Variants in LHFPL3 observed in about 807,000 individuals in gnomAD.
The protein encoded by LHFPL3 is LHFPL tetraspan subfamily member 3.
Under a neutral mutation model 19.3 loss-of-function variants are expected in LHFPL3, and 5 were observed. That is an observed-to-expected ratio of 0.26 (90% CI 0.14 to 0.54). The LOEUF is 0.54. Among genes scored for constraint, LHFPL3 ranks in the 20% least tolerant of loss-of-function variants. The pLI is 0.94. For missense variants in LHFPL3, 249 were observed against 307.4 expected (o/e 0.81, Z 1.42); for synonymous variants, 133 against 126.2 (o/e 1.05, Z -0.36).
At chr7:104,343,512 C>CAAAAAAAAAAAAAAAAAA (rs536122769) in intron 1 of LHFPL3, among the ~76,000 whole-genome samples, 3 of 47,474 alleles carry the variant, frequency 6.3e-5, no homozygotes, top group Non-Finnish European at 1.2e-4. Context: ...GACTCTGTCT[C>CAAAAAAAAAAAAAAAAAA]AAAAAAAAAA....
chr7:104,808,289 G>A (rs550686794), intron 2 of LHFPL3, among the ~76,000 whole-genome samples: 1 of 152,208 alleles, frequency 6.6e-6, no homozygotes, highest in East Asian at 1.9e-4. Context: ...TTTTCCAATT[G>A]AACCCACCAA....
intron 1 of LHFPL3, among the ~76,000 whole-genome samples, chr7:104,422,225 G>A (rs1036894247): frequency 1.3e-5 from 2 of 152,184 alleles, no homozygotes; most frequent in African/African-American, 4.8e-5. Flanking sequence ...GCTGGCCACG[G>A]TGGCATGTGC....
At chr7:104,502,537 G>A (rs183521111) in intron 1 of LHFPL3, among the ~76,000 whole-genome samples, 6 of 152,274 alleles carry the variant, frequency 3.9e-5, no homozygotes, top group Admixed American at 2.6e-4. Flanking sequence ...AATTCTTACT[G>A]CCCTGGGTCC....
intron 1 of LHFPL3, among the ~76,000 whole-genome samples, chr7:104,472,870 T>G (rs1792938201): frequency 1.3e-5 from 2 of 152,206 alleles, no homozygotes; most frequent in Admixed American, 6.5e-5. Context: ...GAAATGCAAT[T>G]TTATCATAAA....
At chr7:104,631,538 G>A (rs188449034) in intron 1 of LHFPL3, among the ~76,000 whole-genome samples, 2 of 152,274 alleles carry the variant, frequency 1.3e-5, no homozygotes, top group African/African-American at 2.4e-5. Context: ...GGAGGAGGAG[G>A]GTGATTGTTA....
Position 104,860,178 on chromosome 7 carries a change from C to CCACACA in LHFPL3, c.683-45985_683-45980dup, listed in dbSNP as rs10534227. Among the ~76,000 whole-genome samples, 578 of 128,954 alleles carry CCACACA rather than the reference C, an allele frequency of 4.5e-3. 12 individuals are homozygous for CCACACA. The highest frequency in any genetic ancestry group is 2.4e-3 in the East Asian group (10 of 4,246). The allele number at this position is 128,954 out of a possible 152,430, so 84.6% of individuals were successfully genotyped here. On this transcript the variant is annotated intron_variant, in intron 2 of 2. Transcript: ENST00000424859. ...CAAATACACACACACATACACCCAC[C>CCACACA]CACACACACACACACACACACACAC...
At chr7:104,592,274 G>C in intron 1 of LHFPL3, among the ~76,000 whole-genome samples, 1 of 152,142 alleles carries the variant, frequency 6.6e-6, no homozygotes, top group East Asian at 1.9e-4. Context: ...TTTGGTCTTT[G>C]ATGATGGTGA....
chr7:104,809,262 A>C (rs964832042), intron 2 of LHFPL3, among the ~76,000 whole-genome samples: 2 of 152,226 alleles, frequency 1.3e-5, no homozygotes, highest in Non-Finnish European at 1.5e-5. Context: ...GCCTGGAGCT[A>C]TTCAGAAGTT....
At chr7:104,674,009 C>T (rs56020920) in intron 1 of LHFPL3, among the ~76,000 whole-genome samples, 5,180 of 151,754 alleles carry the variant, frequency 0.034, 113 homozygotes, top group Middle Eastern at 0.056. Context: ...ACCAACTGGA[C>T]ATGTTCAGTT....
In LHFPL3 at chr7:104,388,636, A is replaced by C. The variant is rs566324206; in HGVS notation, c.445+59412A>C. On this transcript the variant is annotated intron_variant, in intron 1 of 2. Transcript: ENST00000424859. ...TTTTAAATATAGACACAAAATCCTCAAGAAAATGCTAGCAACCTGAATCCA... is the reference window on the plus strand; with the variant it reads ...TTTTAAATATAGACACAAAATCCTCCAGAAAATGCTAGCAACCTGAATCCA... Among the ~76,000 whole-genome samples the C allele has an allele frequency of 3.3e-5, 5 of 152,308 alleles. No homozygotes were observed. In the South Asian group the frequency reaches 1.0e-3, roughly 32 times the overall value.
chr7:104,520,830 TTCTC>T lies in LHFPL3; in HGVS notation c.445+191610_445+191613del, dbSNP rs56929943. 7.2e-3 allele frequency among the ~76,000 whole-genome samples: 1,068 copies of T among 147,896 alleles called. 5 individuals are homozygous for T. Among genetic ancestry groups the T allele is most frequent in the African/African-American group, 0.025 (1,002 of 39,890 alleles). ...ATTTTTTATTGCGTCTATTTGATTC[TTCTC>T]TCTTTTTTTCTTTATTAGTCTTGCT... On this transcript the variant is annotated intron_variant, in intron 1 of 2. Transcript: ENST00000424859.
intron 1 of LHFPL3, among the ~76,000 whole-genome samples, chr7:104,566,132 G>A (rs1790119644): frequency 6.6e-6 from 1 of 152,046 alleles, no homozygotes; most frequent in African/African-American, 2.4e-5. Context: ...AGGCTTTTGG[G>A]CCCAGGACTT....
At chr7:104,812,752 G>A (rs765759128) in intron 2 of LHFPL3, among the ~76,000 whole-genome samples, 6 of 133,438 alleles carry the variant, frequency 4.5e-5, no homozygotes, top group Admixed American at 8.8e-5. Flanking sequence ...CACAATGAGC[G>A]AAGATCGCAC....
At chr7:104,576,215 C>A (rs1487856956) in intron 1 of LHFPL3, among the ~76,000 whole-genome samples, 2 of 151,994 alleles carry the variant, frequency 1.3e-5, no homozygotes, top group Non-Finnish European at 2.9e-5. Flanking sequence ...TCAGGAAAAC[C>A]AGGAGACCAT....
At chr7:104,865,655 G>T (rs1328199489) in intron 2 of LHFPL3, among the ~76,000 whole-genome samples, 1 of 152,138 alleles carries the variant, frequency 6.6e-6, no homozygotes, top group African/African-American at 2.4e-5. Flanking sequence ...CACTCTGCAG[G>T]ATATTATCCA....
chr7:104,602,770 T>C (rs946217772), intron 1 of LHFPL3, among the ~76,000 whole-genome samples: 1 of 152,204 alleles, frequency 6.6e-6, no homozygotes, highest in Non-Finnish European at 1.5e-5. Context: ...GGCTCATGTT[T>C]CTGGAGGCTG....
At chr7:104,643,026 A>G (rs1791865498) in intron 1 of LHFPL3, among the ~76,000 whole-genome samples, 1 of 152,142 alleles carries the variant, frequency 6.6e-6, no homozygotes, top group Non-Finnish European at 1.5e-5. Context: ...TTTTAAGGTT[A>G]TTTATTTATG....
At chr7:104,886,584 C>T (rs1450807940) in intron 2 of LHFPL3, among the ~76,000 whole-genome samples, 3 of 152,128 alleles carry the variant, frequency 2.0e-5, no homozygotes, top group Non-Finnish European at 4.4e-5. Context: ...AGGCTGGTCT[C>T]GAACTCCTGA....
chr7:104,581,521 A>G (rs975305509), intron 1 of LHFPL3, among the ~76,000 whole-genome samples: 3 of 152,014 alleles, frequency 2.0e-5, no homozygotes, highest in Non-Finnish European at 2.9e-5. Context: ...AGGCTAATTT[A>G]TCAATTTTTT....
Sources: gnomAD v4.1 joint callset for allele counts (sites outside exome capture counted in the v4.1 genomes callset) on GRCh38, gnomAD v4.1.1 for gene constraint, MANE v1.5 for transcripts, NCBI Gene and HGNC (gene_info 2026-07-23, HGNC 2026-07-21) for gene names.